Variants in MYZAP observed in about 807,000 individuals in gnomAD.
MYZAP encodes myocardial zonula adherens protein.
A neutral mutation model predicts 69.4 loss-of-function variants in MYZAP; 66 were observed. That is an observed-to-expected ratio of 0.95 (90% CI 0.78 to 1.17). The LOEUF is 1.17. Ranked by LOEUF, MYZAP falls within the 50% of genes most tolerant of loss-of-function variation. MYZAP has a pLI of 0.00. For synonymous variants in MYZAP, 256 were observed against 205.9 expected (o/e 1.24, Z -2.09); for missense variants, 611 against 556.2 (o/e 1.10, Z -0.99).
At chr15:57,659,749 T>TC (rs1381631332) in intron 10 of MYZAP, among the ~76,000 whole-genome samples, 2 of 152,192 alleles carry the variant, frequency 1.3e-5, no homozygotes, top group Non-Finnish European at 2.9e-5. Flanking sequence ...ATTTTAGGGT[T>TC]CACTTTTTTT....
intron 2 of MYZAP, 46 bp from the exon 3 acceptor site, chr15:57,617,987 G>A (rs1368524237): frequency 6.3e-7 from 1 of 1,590,864 alleles, no homozygotes; most frequent in Non-Finnish European, 8.5e-7. Context: ...TGTGCATGAG[G>A]CCTAAAGAGT....
chr15:57,599,280 T>A (rs1481881817), intron 1 of MYZAP: 1 of 186,094 alleles, frequency 5.4e-6, no homozygotes, highest in Non-Finnish European at 1.1e-5. Context: ...ACACCTTGTA[T>A]TGGTTATTCC....
chr15:57,638,131 A>G (rs1264354642), intron 9 of MYZAP, among the ~76,000 whole-genome samples: 2 of 152,208 alleles, frequency 1.3e-5, no homozygotes, highest in African/African-American at 4.8e-5. Flanking sequence ...AACCAATTTA[A>G]AACATCTTTC....
intron 2 of MYZAP, among the ~76,000 whole-genome samples, chr15:57,605,136 T>C (rs1246579020): frequency 6.6e-6 from 1 of 152,154 alleles, no homozygotes; most frequent in Admixed American, 6.5e-5. Context: ...ACCTACTGTA[T>C]TCCAGGCACT....
chr15:57,665,877 T>C lies in MYZAP; in HGVS notation c.1203+4344T>C, dbSNP rs188898917. Among the ~76,000 whole-genome samples the C allele has an allele frequency of 1.5e-4, 23 of 152,316 alleles. No individual in the cohort carries two copies. In the South Asian group the frequency reaches 4.8e-3, roughly 32 times the overall value. On this transcript the variant is annotated intron_variant, in intron 11 of 12. Transcript: ENST00000267853. ...TTAGTGTTATGTAACTCTGCAGTTA[T>C]ACCTAAGGGCTTTGTGTTTTTACCC...
At chr15:57,631,692 G>A (rs1595889034) in intron 6 of MYZAP, among the ~76,000 whole-genome samples, 1 of 152,192 alleles carries the variant, frequency 6.6e-6, no homozygotes, top group Admixed American at 6.5e-5. Context: ...GAAGTCAAGG[G>A]CGTCAAGAGA....
chr15:57,631,627 G>T (rs1190892181), intron 6 of MYZAP, among the ~76,000 whole-genome samples: 1 of 152,164 alleles, frequency 6.6e-6, no homozygotes, highest in Non-Finnish European at 1.5e-5. Flanking sequence ...CTCTGCTCAG[G>T]ACTTTCCACT....
At chr15:57,629,116 A>G (rs1393208193) in intron 5 of MYZAP, among the ~76,000 whole-genome samples, 4 of 151,592 alleles carry the variant, frequency 2.6e-5, no homozygotes, top group African/African-American at 9.7e-5. Flanking sequence ...AAGAAAAAGA[A>G]TAAAAAGAGG....
At chr15:57,661,403 A>G in intron 10 of MYZAP, 47 bp from the exon 11 acceptor site, 1 of 1,408,390 alleles carries the variant, frequency 7.1e-7, no homozygotes, top group Non-Finnish European at 9.9e-7. Flanking sequence ...CTGTACTTAC[A>G]CAATTGTACA....
At chr15:57,643,508 C>T (rs1332421718) in intron 10 of MYZAP, among the ~76,000 whole-genome samples, 1 of 152,214 alleles carries the variant, frequency 6.6e-6, no homozygotes. Flanking sequence ...CCCCTCTGCT[C>T]ACACATCTTT....
chr15:57,679,259 G>A (rs1399259508), intron 12 of MYZAP, among the ~76,000 whole-genome samples: 1 of 151,594 alleles, frequency 6.6e-6, no homozygotes, highest in East Asian at 1.9e-4. Context: ...AAGAACATAG[G>A]CAGGTGATCA....
At chr15:57,629,607 A>T in intron 5 of MYZAP, 95 bp from the exon 6 acceptor site, 3 of 1,491,948 alleles carry the variant, frequency 2.0e-6, no homozygotes, top group Non-Finnish European at 2.7e-6. Flanking sequence ...CAGCTACCCC[A>T]GTGCTTAATG....
At chr15:57,653,915 G>A (rs1244608634) in intron 10 of MYZAP, among the ~76,000 whole-genome samples, 3 of 144,490 alleles carry the variant, frequency 2.1e-5, no homozygotes, top group Non-Finnish European at 4.5e-5. Context: ...TGAGATGGGA[G>A]GACCCATTGA....
chr15:57,647,315 G>A (rs1321816749), intron 10 of MYZAP: 1 of 985,264 alleles, frequency 1.0e-6, no homozygotes, highest in African/African-American at 1.7e-5. Flanking sequence ...ATACGATGCT[G>A]GGTATTCAGA....
chr15:57,613,346 G>T (rs1347548429), intron 2 of MYZAP, among the ~76,000 whole-genome samples: 2 of 151,406 alleles, frequency 1.3e-5, no homozygotes, highest in Non-Finnish European at 2.9e-5. Context: ...TTATAAAGAG[G>T]CTTTTGATTT....
At chr15:57,681,181 A>G (rs1393833702) in intron 12 of MYZAP, among the ~76,000 whole-genome samples, 1 of 152,178 alleles carries the variant, frequency 6.6e-6, no homozygotes, top group African/African-American at 2.4e-5. Context: ...GAATTTTCAC[A>G]GGAGTTGGCA....
chr15:57,661,009 C>T (rs1445330309), intron 10 of MYZAP, among the ~76,000 whole-genome samples: 1 of 152,114 alleles, frequency 6.6e-6, no homozygotes, highest in Non-Finnish European at 1.5e-5. Flanking sequence ...ATAACACAGC[C>T]AAATGTTTGA....
chr15:57,601,336 C>T (rs1178135778), intron 1 of MYZAP, among the ~76,000 whole-genome samples: 3 of 150,518 alleles, frequency 2.0e-5, no homozygotes, highest in African/African-American at 7.4e-5. Flanking sequence ...CTTTTCCCTG[C>T]AGAATTATGC....
At chr15:57,668,202 GT>G (rs1184550146) in intron 11 of MYZAP, among the ~76,000 whole-genome samples, 1 of 152,168 alleles carries the variant, frequency 6.6e-6, no homozygotes, top group Non-Finnish European at 1.5e-5. Context: ...ATACATTTGA[GT>G]TGTTTCCAGC....
Sources: gnomAD v4.1 joint callset for allele counts (sites outside exome capture counted in the v4.1 genomes callset) on GRCh38, gnomAD v4.1.1 for gene constraint, MANE v1.5 for transcripts, NCBI Gene and HGNC (gene_info 2026-07-23, HGNC 2026-07-21) for gene names.